Variants in ADGRD1 observed in about 807,000 individuals in gnomAD.
The protein encoded by ADGRD1 is adhesion G protein-coupled receptor D1.
A neutral mutation model predicts 113.4 loss-of-function variants in ADGRD1; 77 were observed. The ratio of observed to expected loss-of-function variants is 0.68; its 90% confidence interval spans 0.57 to 0.82. The LOEUF (loss-of-function observed/expected upper bound fraction) is 0.82, where lower values mean the gene tolerates loss of function less well. ADGRD1 is among the 40% of genes least tolerant of loss of function. ADGRD1 has a pLI of 0.00. For synonymous variants in ADGRD1, 474 were observed against 475.0 expected, an observed-to-expected ratio of 1.00 and a Z score of 0.03; for missense variants, 1,036 against 1,139.1, an observed-to-expected ratio of 0.91 and a Z score of 1.30.
At chr12:131,005,831 C>T (rs946774692) in intron 11 of ADGRD1, 141 bp from the exon 12 acceptor site, 15 of 682,136 alleles carry the variant, frequency 2.2e-5, no homozygotes, top group East Asian at 1.6e-4. Flanking sequence ...AAATTCTGCC[C>T]GAGTGTCCTT....
At chr12:131,100,214 C>T (rs1018784284) in intron 15 of ADGRD1, among the ~76,000 whole-genome samples, 3 of 151,556 alleles carry the variant, frequency 2.0e-5, no homozygotes, top group Non-Finnish European at 4.4e-5. Flanking sequence ...GTTGATGATG[C>T]GTCAGTTGAT....
chr12:130,986,253 T>G (rs1428769972), intron 5 of ADGRD1, among the ~76,000 whole-genome samples: 1 of 152,252 alleles, frequency 6.6e-6, no homozygotes, highest in Non-Finnish European at 1.5e-5. Flanking sequence ...ACTGACATCT[T>G]CACAACATTG....
intron 7 of ADGRD1, 41 bp downstream of exon 7, chr12:130,991,119 C>T (rs1289432707): frequency 6.5e-7 from 1 of 1,543,118 alleles, no homozygotes; most frequent in Non-Finnish European, 9.0e-7. Context: ...TGCTGATGTT[C>T]TTCTGCTTGG....
rs964655571 is a variant in ADGRD1, at chr12:131,140,530, C to T, written c.*1267C>T. 1.3e-5 allele frequency: 2 copies of T among 152,006 alleles called. No individual in the cohort carries two copies. Among genetic ancestry groups the T allele is most frequent in the Admixed American group, 6.6e-5 (1 of 15,262 alleles). The allele number at this position is 152,006 out of a possible 1,614,324, so 9.4% of individuals were successfully genotyped here. ...AGGTTCATACTGTGCTGATAGCACTCGTGGTGTCTGTGAAATGTGGGTAAG... is the reference window on the plus strand; with the variant it reads ...AGGTTCATACTGTGCTGATAGCACTTGTGGTGTCTGTGAAATGTGGGTAAG... On this transcript the variant is annotated 3_prime_UTR_variant, in exon 25 of 25. Transcript: ENST00000261654.
chr12:131,048,097 C>A (rs1315536510), intron 13 of ADGRD1, among the ~76,000 whole-genome samples: 1 of 152,182 alleles, frequency 6.6e-6, no homozygotes, highest in Non-Finnish European at 1.5e-5. Context: ...GGTCAAAGGC[C>A]CTTCAACCCT....
At chr12:130,968,833 T>C (rs7309920) in intron 3 of ADGRD1, 571,844 of 608,328 alleles carry the variant, frequency 0.94, 272,632 homozygotes, top group East Asian at 0.99. Context: ...GGCTGGGGGA[T>C]GTGAGGTCCG....
chr12:131,066,678 T>C (rs577292038), intron 13 of ADGRD1, among the ~76,000 whole-genome samples: 2 of 152,242 alleles, frequency 1.3e-5, no homozygotes, highest in South Asian at 2.1e-4. Flanking sequence ...GACAGGTACA[T>C]GCAAGATCAG....
rs192502275 is a variant in ADGRD1 at position 130,995,747 on chromosome 12, T to C, written c.966+3355T>C. Among the ~76,000 whole-genome samples, 1,107 of 149,582 alleles carry C rather than the reference T, an allele frequency of 7.4e-3. 2 individuals carry two copies. Among genetic ancestry groups the C allele is most frequent in the South Asian group, 0.025 (116 of 4,612 alleles). On this transcript the variant is annotated intron_variant, in intron 8 of 24. Coordinates refer to ENST00000261654, the MANE Select transcript of ADGRD1 (RefSeq NM_198827.5). Reference sequence around the variant, plus strand: ...AGTGAACTGAAATCTTTTTTTTTTTTCAACCTGTTTTATTTTATTTTTTTT... The same window carrying C: ...AGTGAACTGAAATCTTTTTTTTTTTCCAACCTGTTTTATTTTATTTTTTTT...
At chr12:131,089,230 G>A (rs61939673) in intron 15 of ADGRD1, among the ~76,000 whole-genome samples, 12,883 of 152,324 alleles carry the variant, frequency 0.085, 736 homozygotes, top group Non-Finnish European at 0.13. Flanking sequence ...CTGGAAGTGA[G>A]TGAAGAGAGA....
chr12:131,134,925 AG>A (rs1482824720), intron 21 of ADGRD1, among the ~76,000 whole-genome samples: 2 of 152,242 alleles, frequency 1.3e-5, no homozygotes, highest in Non-Finnish European at 1.5e-5. Context: ...ACAGTCTATG[AG>A]GGAGACAATC....
chr12:131,077,766 C>T (rs1885752477), intron 14 of ADGRD1, among the ~76,000 whole-genome samples: 1 of 152,084 alleles, frequency 6.6e-6, no homozygotes, highest in Admixed American at 6.5e-5. Flanking sequence ...GAGACAGGGT[C>T]TCACTCTGTC....
chr12:130,968,859 G>T (rs1871298670), intron 3 of ADGRD1: 1 of 651,046 alleles, frequency 1.5e-6, no homozygotes, highest in South Asian at 1.8e-5. Context: ...AAAGTCCAGG[G>T]TGCTCTTGGA....
intron 7 of ADGRD1, 135 bp from the exon 8 acceptor site, chr12:130,992,102 C>T (rs1190452452): frequency 4.7e-6 from 3 of 642,308 alleles, no homozygotes; most frequent in Non-Finnish European, 7.7e-6. Flanking sequence ...GCCTGGGCAA[C>T]AGAGCAAGAC....
In ADGRD1 at chr12:130,971,859, A is replaced by C. The variant is rs73164875; in HGVS notation, c.310+279A>C. Among the ~76,000 whole-genome samples, 1 of 152,328 alleles carries C rather than the reference A, an allele frequency of 6.6e-6. No homozygotes were observed. The highest frequency in any genetic ancestry group is 1.5e-5 in the Non-Finnish European group (1 of 68,036). ...AGGATGAAAAAAAACCTTCCTAAAA[A>C]ACAGACACAGCGATGTCACAGTGGG... On this transcript the variant is annotated intron_variant, in intron 4 of 24. Transcript: ENST00000261654. The surrounding 1 kb of genome is among the most constrained non-coding windows in gnomAD (Gnocchi z 4.2).
At chr12:131,119,862 CTT>C (rs961239745) in intron 19 of ADGRD1, among the ~76,000 whole-genome samples, 37 of 152,298 alleles carry the variant, frequency 2.4e-4, no homozygotes, top group African/African-American at 8.9e-4. Flanking sequence ...GGTGCTGTCT[CTT>C]GTTTTGGGGC....
intron 20 of ADGRD1, among the ~76,000 whole-genome samples, chr12:131,128,283 C>T (rs1242056471): frequency 1.2e-4 from 17 of 139,594 alleles, no homozygotes; most frequent in African/African-American, 2.7e-4. Context: ...GTGATGGGAC[C>T]CTGAGCTCAG....
chr12:131,092,552 TGGCCACTTCCTCCCAGGC>T, intron 15 of ADGRD1, among the ~76,000 whole-genome samples: 1 of 151,940 alleles, frequency 6.6e-6, no homozygotes, highest in Middle Eastern at 3.4e-3. Flanking sequence ...TTCCTGCAGG[TGGCCACTTCCTCCCAGGC>T]GGCCACTTCC....
At chr12:131,078,705 A>T (rs996711896) in intron 14 of ADGRD1, among the ~76,000 whole-genome samples, 2 of 152,190 alleles carry the variant, frequency 1.3e-5, no homozygotes, top group South Asian at 4.1e-4. Context: ...ATATTTTTGT[A>T]TTTTTAAGAA....
At chr12:131,006,508 C>T (rs908751122) in intron 12 of ADGRD1, among the ~76,000 whole-genome samples, 8 of 152,284 alleles carry the variant, frequency 5.3e-5, no homozygotes, top group African/African-American at 1.2e-4. Context: ...TGGCTGGACC[C>T]GGGGACCCCG....
Sources: gnomAD v4.1 joint callset for allele counts (sites outside exome capture counted in the v4.1 genomes callset) on GRCh38, gnomAD v4.1.1 for gene constraint, Gnocchi (gnomAD v3.1) non-coding constraint, MANE v1.5 for transcripts, NCBI Gene and HGNC (gene_info 2026-07-23, HGNC 2026-07-21) for gene names.